TTBK2: variants seen among roughly 807,000 people sequenced by gnomAD.
The protein encoded by TTBK2 is tau tubulin kinase 2, also known as tau-tubulin kinase 2.
TTBK2 carries 28 observed loss-of-function variants against 110.8 expected under a neutral mutation model. The ratio of observed to expected loss-of-function variants is 0.25; its 90% confidence interval spans 0.19 to 0.35. The LOEUF is 0.35. Ranked by LOEUF, TTBK2 falls within the 10% of genes least tolerant of loss-of-function variation. The probability of loss-of-function intolerance (pLI) is 1.00; values close to 1 mark genes in which losing one functional copy is unlikely to be tolerated. For synonymous variants in TTBK2, 532 were observed against 527.3 expected (o/e 1.01, Z -0.12); for missense variants, 1,369 against 1,500.3 (o/e 0.91, Z 1.45).
In TTBK2 at chr15:42,744,300, T is replaced by C. The variant is rs562554712; in HGVS notation, c.*1495A>G. The C allele has an allele frequency of 1.3e-3, 196 of 152,254 alleles. 2 individuals carry two copies. Among genetic ancestry groups the C allele is most frequent in the African/African-American group, 4.6e-3 (190 of 41,560 alleles). The allele number at this position is 152,254 out of a possible 1,614,324, so 9.4% of individuals were successfully genotyped here. A position where few individuals can be genotyped will look rare whatever the true frequency, so the allele number is the denominator to read the frequency against. On this transcript the variant is annotated 3_prime_UTR_variant, in exon 15 of 15. Coordinates refer to ENST00000267890, the MANE Select transcript of TTBK2 (RefSeq NM_173500.4). ...CTTCAGGGCAGCTTTGATGCAGCAT[T>C]AGAAGATGTTCACTTGGGGAGGAAA...
intron 6 of TTBK2, among the ~76,000 whole-genome samples, chr15:42,820,929 A>AT (rs1273984755): frequency 2.0e-5 from 3 of 152,108 alleles, no homozygotes; most frequent in African/African-American, 7.2e-5. Flanking sequence ...AGATGGGAGA[A>AT]TCCCCCAGCT....
At chr15:42,804,848 C>A (rs767221049) in intron 9 of TTBK2, among the ~76,000 whole-genome samples, 2 of 152,196 alleles carry the variant, frequency 1.3e-5, no homozygotes, top group Non-Finnish European at 2.9e-5. Context: ...TGGACTCATA[C>A]TGGTGCAGCC....
intron 1 of TTBK2, among the ~76,000 whole-genome samples, chr15:42,913,682 C>T (rs2030919053): frequency 6.6e-6 from 1 of 151,964 alleles, no homozygotes; most frequent in South Asian, 2.1e-4. Flanking sequence ...AGTATGGTTA[C>T]AATTACTGAC....
intron 1 of TTBK2, among the ~76,000 whole-genome samples, chr15:42,890,859 G>A (rs1194640940): frequency 3.3e-5 from 5 of 151,974 alleles, no homozygotes; most frequent in African/African-American, 7.2e-5. Context: ...CCATGCCTAC[G>A]TAATAAGCTC....
intron 3 of TTBK2, among the ~76,000 whole-genome samples, chr15:42,853,927 AAT>A (rs200270448): frequency 2.0e-4 from 30 of 150,230 alleles, no homozygotes; most frequent in African/African-American, 6.5e-4. Context: ...AGATCTACAG[AAT>A]ATTTTTTTTT....
chr15:42,776,914 A>C, intron 12 of TTBK2, 117 bp downstream of exon 12: 2 of 1,113,946 alleles, frequency 1.8e-6, no homozygotes, highest in South Asian at 2.9e-5. Flanking sequence ...CAAAAATGCA[A>C]GGATTTCTTA....
chr15:42,857,213 G>A (rs975849245), intron 3 of TTBK2, among the ~76,000 whole-genome samples: 1 of 152,146 alleles, frequency 6.6e-6, no homozygotes, highest in Non-Finnish European at 1.5e-5. Flanking sequence ...ACCTAAAACA[G>A]TTCTAAAAAG....
intron 1 of TTBK2, among the ~76,000 whole-genome samples, chr15:42,907,287 A>G (rs189682048): frequency 5.9e-5 from 9 of 152,320 alleles, no homozygotes; most frequent in African/African-American, 2.2e-4. Context: ...CAAAAAAACT[A>G]AAAATAGAAC....
rs1441794035 is a variant in TTBK2 at position 42,739,562 on chromosome 15, T to C, written c.*6233A>G. On this transcript the variant is annotated 3_prime_UTR_variant, in exon 15 of 15. Coordinates refer to ENST00000267890, the MANE Select transcript of TTBK2 (RefSeq NM_173500.4). Reference sequence around the variant, plus strand: ...GAACTATGTATCAAGGAGAAGTAAGTGAGGCTCAAGCCCAGGCCACCTAGG... The same window carrying C: ...GAACTATGTATCAAGGAGAAGTAAGCGAGGCTCAAGCCCAGGCCACCTAGG... The C allele has an allele frequency of 6.6e-6, 1 of 152,188 alleles. No individual in the cohort carries two copies. The highest frequency in any genetic ancestry group is 1.5e-5 in the Non-Finnish European group (1 of 68,042). The allele number at this position is 152,188 out of a possible 1,614,324, so 9.4% of individuals were successfully genotyped here.
intron 1 of TTBK2, among the ~76,000 whole-genome samples, chr15:42,892,704 C>CA (rs35331798): frequency 0.18 from 6,534 of 36,990 alleles, 771 homozygotes; most frequent in Non-Finnish European, 0.23. Context: ...GACCCTGTCT[C>CA]AAAAAAAAAA....
intron 1 of TTBK2, among the ~76,000 whole-genome samples, chr15:42,884,055 A>T (rs569035225): frequency 1.9e-4 from 29 of 152,314 alleles, no homozygotes; most frequent in African/African-American, 6.7e-4. Context: ...TGGAAGAGCC[A>T]ATTTACAAAG....
At position 42,878,651 on chromosome 15, in the gene TTBK2, G is replaced by A. The variant is rs1350299415; in HGVS notation, c.-34C>T. On this transcript the variant is annotated 5_prime_UTR_variant, in exon 2 of 15. Transcript: ENST00000267890. ...ACTGATATGGTAGAACAGCTACACA[G>A]GCATCCAGTTCCCAAGGGTGGTTTC... is the stretch of plus-strand genomic sequence containing the variant. 6.2e-7 allele frequency: 1 copy of A among 1,613,432 alleles called. No homozygotes were observed. Among genetic ancestry groups the A allele is most frequent in the Non-Finnish European group, 8.5e-7 (1 of 1,179,848 alleles).
At chr15:42,878,527 A>ACACT (rs1555434098) in intron 2 of TTBK2, 22 bp downstream of exon 2, 140 of 1,603,056 alleles carry the variant, frequency 8.7e-5, no homozygotes, top group African/African-American at 3.5e-4. Context: ...ACACACACAC[A>ACACT]CTCTCTGAGA....
At chr15:42,883,009 T>C (rs963129322) in intron 1 of TTBK2, among the ~76,000 whole-genome samples, 1 of 152,052 alleles carries the variant, frequency 6.6e-6, no homozygotes, top group Non-Finnish European at 1.5e-5. Context: ...TTCTCAAAAA[T>C]ATGCTTGCAA....
At chr15:42,768,728 A>T (rs955113783) in intron 13 of TTBK2, among the ~76,000 whole-genome samples, 1 of 152,200 alleles carries the variant, frequency 6.6e-6, no homozygotes, top group African/African-American at 2.4e-5. Context: ...CAAGCTACCA[A>T]TGACTTTCTT....
chr15:42,753,247 T>G lies in TTBK2; in HGVS notation c.1999A>C (p.Ile667Leu). ...GCCACAGAAGGTCTAGGAATTGTAA[T>G]CTGGAGAAGGGGAAGAAAAAATTAA... ...EAQAEGPLTA[I>L]TIPRPSVAST... The change falls in exon 14 of 15, where the codon ATT (isoleucine) becomes CTT (leucine). Residue 667 changes from isoleucine (I) to leucine (L), a missense_variant and splice_region_variant. Coordinates refer to ENST00000267890, the MANE Select transcript of TTBK2 (RefSeq NM_173500.4). 6.2e-7 allele frequency: 1 copy of G among 1,613,370 alleles called. No individual in the cohort carries two copies. The highest frequency in any genetic ancestry group is 8.5e-7 in the Non-Finnish European group (1 of 1,179,788).
intron 13 of TTBK2, among the ~76,000 whole-genome samples, chr15:42,771,351 C>T (rs1397159676): frequency 1.3e-5 from 2 of 152,116 alleles, no homozygotes; most frequent in African/African-American, 4.8e-5. Context: ...TAAAGATATC[C>T]AAAATTCCAC....
intron 1 of TTBK2, among the ~76,000 whole-genome samples, chr15:42,915,892 A>G (rs1328384250): frequency 1.3e-5 from 2 of 152,076 alleles, no homozygotes; most frequent in Non-Finnish European, 2.9e-5. Context: ...GGCTGCAGTG[A>G]GCTACGATCA....
intron 3 of TTBK2, among the ~76,000 whole-genome samples, chr15:42,859,925 G>A (rs562757968): frequency 6.6e-6 from 1 of 152,030 alleles, no homozygotes; most frequent in South Asian, 2.1e-4. Flanking sequence ...CAAGAACACT[G>A]TAACAGAAAT....
Sources: allele counts gnomAD v4.1 joint callset (sites outside exome capture counted in the v4.1 genomes callset), GRCh38; gene constraint gnomAD v4.1.1; transcripts MANE v1.5; gene names NCBI Gene and HGNC (gene_info 2026-07-23, HGNC 2026-07-21).